The following ZNF573 variants were observed in gnomAD, a reference collection of about 807,000 sequenced individuals.
ZNF573 encodes zinc finger protein 573.
ZNF573 carries 41 observed loss-of-function variants against 57.4 expected under a neutral mutation model. The observed-to-expected ratio is 0.71, with a 90% CI of 0.56 to 0.93. The LOEUF is 0.93. Ranked by LOEUF, ZNF573 falls within the 40% of genes least tolerant of loss-of-function variation. ZNF573 has a pLI of 0.00. For missense variants in ZNF573, 730 were observed against 794.8 expected (o/e 0.92, Z 0.98); for synonymous variants, 249 against 261.0 (o/e 0.95, Z 0.44).
intron 4 of ZNF573, among the ~76,000 whole-genome samples, chr19:37,745,249 G>T (rs1379443530): frequency 1.3e-4 from 20 of 152,032 alleles, no homozygotes; most frequent in Admixed American, 1.3e-3. Context: ...TAATTTTTTT[G>T]TATTTTTGGT....
intron 4 of ZNF573, among the ~76,000 whole-genome samples, chr19:37,760,574 A>G (rs1168497643): frequency 6.6e-6 from 1 of 152,214 alleles, no homozygotes; most frequent in Non-Finnish European, 1.5e-5. Context: ...CTGTAATCCC[A>G]GCACTTTGGG....
Position 37,738,600 on chromosome 19 carries a change from T to C in ZNF573, c.1890A>G (p.Arg630=). The stretch of plus-strand genomic sequence containing the variant: ...CATAGGGTTTCTCACCAGTATGAAT[T>C]CTCTCATGTTGAACAAGGTTTGAAG... ...SRASNLVQHE[R]IHTGEKPYVC... The change falls in exon 5 of 5, where the codon AGA becomes AGG. Residue 630 remains arginine (R), a synonymous_variant. Transcript: ENST00000536220. 2 of 1,610,926 alleles carry C rather than the reference T, an allele frequency of 1.2e-6. No homozygotes were observed. Among genetic ancestry groups the C allele is most frequent in the Non-Finnish European group, 1.7e-6 (2 of 1,178,586 alleles).
chr19:37,745,797 G>T (rs1325647886), intron 4 of ZNF573, among the ~76,000 whole-genome samples: 2 of 152,104 alleles, frequency 1.3e-5, no homozygotes, highest in African/African-American at 4.8e-5. Context: ...CTTTATAAGG[G>T]TTATAAATAA....
intron 4 of ZNF573, among the ~76,000 whole-genome samples, chr19:37,767,235 T>TC (rs2045609707): frequency 6.8e-6 from 1 of 146,912 alleles, no homozygotes; most frequent in South Asian, 2.1e-4. Context: ...ATTCATTCCT[T>TC]TTTTTTTTTT....
rs2045641395 is a variant in ZNF573 at position 37,770,097 on chromosome 19, C to T, written c.203G>A (p.Gly68Glu). The part of the protein sequence containing the change: ...LENYRNLVSL[G>E]GHSISKPVVV... Reference sequence around the variant, plus strand: ...AACTGGTTTAGAAATGGAATGTCCTCCTTATAAGAAAAGAAATGCCACATG... The same window carrying T: ...AACTGGTTTAGAAATGGAATGTCCTTCTTATAAGAAAAGAAATGCCACATG... Residue 68 changes from glycine to glutamate, a missense_variant and splice_region_variant, in exon 4 of 5, where the codon GGA becomes GAA. Gly to Glu is a moderately conservative substitution (Grantham distance 98, BLOSUM62 -2). Coordinates refer to ENST00000536220, the MANE Select transcript of ZNF573 (RefSeq NM_001172690.2). 3.9e-6 allele frequency: 6 copies of T among 1,541,450 alleles called. No homozygotes were observed. Among genetic ancestry groups the T allele is most frequent in the Non-Finnish European group, 5.2e-6 (6 of 1,143,844 alleles).
rs1302364777 is a variant in ZNF573, at chr19:37,748,026, CA to C, written c.296-7833del. 2.0e-5 allele frequency among the ~76,000 whole-genome samples: 3 copies of C among 152,076 alleles called. No homozygotes were observed. In the East Asian group the frequency reaches 5.8e-4, roughly 29 times the overall value. On this transcript the variant is annotated intron_variant, in intron 4 of 4. Transcript: ENST00000536220. ...AAAACTACTACTTCCAGCCTAATTA[CA>C]AAAAAACAACAGACTTGGATTGGGA...
chr19:37,744,415 AAG>A (rs1270569065), intron 4 of ZNF573, among the ~76,000 whole-genome samples: 1 of 152,046 alleles, frequency 6.6e-6, no homozygotes, highest in Non-Finnish European at 1.5e-5. Context: ...GGGAAAAAAA[AAG>A]AGGAGTCATC....
intron 4 of ZNF573, among the ~76,000 whole-genome samples, chr19:37,744,475 C>T (rs539825463): frequency 2.0e-5 from 3 of 152,090 alleles, no homozygotes; most frequent in South Asian, 2.1e-4. Context: ...TGGTGGCTCA[C>T]GCCTATAATC....
intron 3 of ZNF573, among the ~76,000 whole-genome samples, chr19:37,771,215 T>A (rs971314512): frequency 2.0e-5 from 3 of 151,720 alleles, no homozygotes; most frequent in African/African-American, 7.3e-5. Flanking sequence ...TCTATAGGAA[T>A]TCTGGAAATA....
At chr19:37,741,714 A>G in intron 4 of ZNF573, among the ~76,000 whole-genome samples, 1 of 152,172 alleles carries the variant, frequency 6.6e-6, no homozygotes, top group Non-Finnish European at 1.5e-5. Context: ...CCCACAGCTG[A>G]TATCATATTG....
intron 4 of ZNF573, among the ~76,000 whole-genome samples, chr19:37,768,368 T>C: frequency 6.6e-6 from 1 of 152,184 alleles, no homozygotes; most frequent in East Asian, 1.9e-4. Flanking sequence ...TCTGGTCTAC[T>C]TTGGTGCTCC....
intron 4 of ZNF573, among the ~76,000 whole-genome samples, chr19:37,761,966 T>C (rs976371672): frequency 6.6e-6 from 1 of 152,198 alleles, no homozygotes; most frequent in Admixed American, 6.5e-5. Context: ...ACAGATACAA[T>C]TATGAAAAGC....
chr19:37,760,743 A>G (rs2045543774), intron 4 of ZNF573, among the ~76,000 whole-genome samples: 1 of 151,844 alleles, frequency 6.6e-6, no homozygotes, highest in Non-Finnish European at 1.5e-5. Context: ...AATCACTTGA[A>G]CCTGGGAGGC....
chr19:37,775,757 G>C (rs1426715519), intron 1 of ZNF573, among the ~76,000 whole-genome samples: 1 of 147,820 alleles, frequency 6.8e-6, no homozygotes, highest in Middle Eastern at 3.2e-3. Context: ...CAAAATTAAT[G>C]TACACAAATC....
intron 4 of ZNF573, among the ~76,000 whole-genome samples, chr19:37,753,714 G>A (rs2045460729): frequency 6.6e-6 from 1 of 152,126 alleles, no homozygotes; most frequent in African/African-American, 2.4e-5. Context: ...TACTATTAGA[G>A]TTCTATGACT....
At chr19:37,742,223 T>C (rs183438316) in intron 4 of ZNF573, among the ~76,000 whole-genome samples, 61 of 152,294 alleles carry the variant, frequency 4.0e-4, no homozygotes, top group African/African-American at 1.3e-3. Context: ...ATAGGAAGAA[T>C]CAATATCATG....
At chr19:37,759,771 A>C (rs1188707866) in intron 4 of ZNF573, among the ~76,000 whole-genome samples, 2 of 152,114 alleles carry the variant, frequency 1.3e-5, no homozygotes, top group Non-Finnish European at 2.9e-5. Context: ...GAAAATAAAA[A>C]TTATAGTTTA....
chr19:37,753,607 A>C (rs2045459653), intron 4 of ZNF573, among the ~76,000 whole-genome samples: 1 of 152,210 alleles, frequency 6.6e-6, no homozygotes, highest in African/African-American at 2.4e-5. Context: ...ATATTACTCC[A>C]GAAAAGTTTC....
At chr19:37,746,904 A>G (rs1338709883) in intron 4 of ZNF573, among the ~76,000 whole-genome samples, 2 of 152,110 alleles carry the variant, frequency 1.3e-5, no homozygotes, top group South Asian at 2.1e-4. Flanking sequence ...TTTAAATCCC[A>G]TTCTCCACTA....
Sources: allele counts gnomAD v4.1 joint callset (sites outside exome capture counted in the v4.1 genomes callset), GRCh38; gene constraint gnomAD v4.1.1; transcripts MANE v1.5; gene names NCBI Gene and HGNC (gene_info 2026-07-23, HGNC 2026-07-21).